Variants in NFASC observed in about 807,000 individuals in gnomAD.
The protein encoded by NFASC is neurofascin.
In NFASC, 43 loss-of-function variants were observed where a neutral mutation model predicts 147.5. The observed-to-expected ratio is 0.29, with a 90% CI of 0.23 to 0.38. The LOEUF (loss-of-function observed/expected upper bound fraction) is 0.38. Among genes scored for constraint, NFASC ranks in the 10% least tolerant of loss-of-function variants. The probability of loss-of-function intolerance (pLI) is 1.00; values close to 1 mark genes in which losing one functional copy is unlikely to be tolerated. For missense variants in NFASC, 1,320 were observed against 1,689.0 expected (o/e 0.78, Z 3.83); for synonymous variants, 622 against 665.5 (o/e 0.93, Z 1.01).
intron 8 of NFASC, chr1:204,962,148 C>T (rs774617161): frequency 6.2e-7 from 1 of 1,613,360 alleles, no homozygotes; most frequent in Non-Finnish European, 8.5e-7. Context: ...ACCACCCTGA[C>T]ATGTACAGTG....
At chr1:204,840,110 T>TA (rs2102480787) in intron 1 of NFASC, among the ~76,000 whole-genome samples, 1 of 152,290 alleles carries the variant, frequency 6.6e-6, no homozygotes, top group South Asian at 2.1e-4. Context: ...GGGATCTTGT[T>TA]AAAATGCAGG....
chr1:204,970,551 G>T, intron 10 of NFASC, 65 bp from the exon 11 acceptor site: 1 of 1,595,522 alleles, frequency 6.3e-7, no homozygotes, highest in Non-Finnish European at 8.6e-7. Context: ...GAGGGAGACT[G>T]CTTGGTTTCT....
At chr1:205,001,320 A>G (rs184644437) in intron 26 of NFASC, 34 bp downstream of exon 26, 42 of 1,427,556 alleles carry the variant, frequency 2.9e-5, no homozygotes, top group Non-Finnish European at 3.7e-5. Context: ...TGGTGGCGGC[A>G]GCGGCGTCGG....
At chr1:204,942,597 T>A (rs1241690924) in intron 2 of NFASC, among the ~76,000 whole-genome samples, 3 of 152,086 alleles carry the variant, frequency 2.0e-5, no homozygotes, top group African/African-American at 7.2e-5. Flanking sequence ...CTGCATCCCA[T>A]AAATGCGTAC....
intron 29 of NFASC, among the ~76,000 whole-genome samples, chr1:205,014,760 T>A (rs953642643): frequency 6.6e-6 from 1 of 152,222 alleles, no homozygotes; most frequent in East Asian, 1.9e-4. Flanking sequence ...GCACTTAGCT[T>A]AGCTGCCTGG....
At chr1:204,953,166 A>G (rs534337672) in intron 5 of NFASC, among the ~76,000 whole-genome samples, 1 of 152,374 alleles carries the variant, frequency 6.6e-6, no homozygotes, top group East Asian at 1.9e-4. Context: ...GATTGTGGGC[A>G]TCTGAGGATG....
rs72753452 is a variant in NFASC at position 204,993,099 on chromosome 1, G to C, written c.2782+1793G>C. 5.5e-3 allele frequency among the ~76,000 whole-genome samples: 836 copies of C among 152,264 alleles called. 12 individuals are homozygous for C. The highest frequency in any genetic ancestry group is 0.011 in the South Asian group (54 of 4,822). On this transcript the variant is annotated intron_variant, in intron 24 of 29. Transcript: ENST00000339876. ...AGCAGGTGCCAAGCAACGAAACTCG[G>C]GTTCCATGTTTCTGACGTGGGCCTG...
rs777663775 is a variant in NFASC, at chr1:204,857,916, C to CTTTTTTTTTTTTTT, written c.-200+29136_-200+29137insTTTTTTTTTTTTTT. ...TCTGTGTCCTAGTCTCCTTCTTCTT[C>CTTTTTTTTTTTTTT]TTCTTTTTTTTTTTTTTTTTGAGAT... On this transcript the variant is annotated intron_variant, in intron 1 of 29. Transcript: ENST00000339876. Among the ~76,000 whole-genome samples the CTTTTTTTTTTTTTT allele has an allele frequency of 9.7e-5, 13 of 133,692 alleles. 1 individual carries two copies. The highest frequency in any genetic ancestry group is 2.7e-4 in the East Asian group (1 of 3,710). 87.7% of individuals were successfully genotyped at this position (133,692 alleles called of 152,430 possible). A position where few individuals can be genotyped will look rare whatever the true frequency, so the allele number is the denominator to read the frequency against.
intron 3 of NFASC, 33 bp downstream of exon 3, chr1:204,944,439 T>TC (rs1294331195): frequency 9.2e-6 from 6 of 655,478 alleles, no homozygotes; most frequent in African/African-American, 1.9e-5. Context: ...CTCTTTTTTT[T>TC]CCTGATTTTG....
At chr1:204,899,370 G>A (rs942356118) in intron 1 of NFASC, among the ~76,000 whole-genome samples, 1 of 152,088 alleles carries the variant, frequency 6.6e-6, no homozygotes, top group African/African-American at 2.4e-5. Flanking sequence ...CATAGCCCTG[G>A]CAAGAGAGGA....
intron 21 of NFASC, chr1:204,983,907 C>G: frequency 1.5e-6 from 1 of 671,102 alleles, no homozygotes; most frequent in Non-Finnish European, 2.7e-6. Context: ...AGATATGGCC[C>G]CTGCCCTCAT....
In NFASC at chr1:204,980,258, C is replaced by T. The variant is rs186136421; in HGVS notation, c.2177-112C>T. The T allele has an allele frequency of 3.3e-5, 26 of 794,112 alleles. 1 individual carries two copies. Among genetic ancestry groups the T allele is most frequent in the South Asian group, 2.2e-4 (15 of 67,980 alleles). The allele number at this position is 794,112 out of a possible 1,614,324, so 49.2% of individuals were successfully genotyped here. On this transcript the variant is annotated intron_variant, in intron 19 of 29. Transcript: ENST00000339876. ...CCAGACCAAGCGTATACATAGATGC[C>T]GAGGAAAGACAGAGCATAGAACAGA...
At chr1:204,830,186 A>G (rs558537625) in intron 1 of NFASC, among the ~76,000 whole-genome samples, 1 of 152,284 alleles carries the variant, frequency 6.6e-6, no homozygotes, top group East Asian at 1.9e-4. Flanking sequence ...GCCTCAGTCA[A>G]ATCTCCAGCA....
chr1:204,974,202 C>T lies in NFASC; in HGVS notation c.1303C>T (p.Pro435Ser), dbSNP rs753460094. 6.2e-7 allele frequency: 1 copy of T among 1,613,990 alleles called. No homozygotes were observed. The highest frequency in any genetic ancestry group is 1.1e-5 in the South Asian group (1 of 91,022). Residue 435 changes from proline to serine, a missense_variant, in exon 13 of 30, where the codon CCC (proline) becomes TCC (serine). This residue lies in a region of NFASC where 981 missense variants were observed against 1,289.5 expected (regional missense o/e 0.76). Transcript: ENST00000339876. ...VLDVPPRMLSPRNQLIRVILY... is the reference protein window; with the variant it reads ...VLDVPPRMLSSRNQLIRVILY... ...AGATGTGCCGCCTCGGATGCTGTCG[C>T]CCCGGAACCAGCTCATTCGAGTGAT...
At chr1:204,947,664 A>G (rs999340500) in intron 3 of NFASC, among the ~76,000 whole-genome samples, 1 of 146,676 alleles carries the variant, frequency 6.8e-6, no homozygotes, top group African/African-American at 2.5e-5. Context: ...GGAGAACAGT[A>G]TGACCTTTGA....
chr1:204,969,079 A>G, intron 10 of NFASC, 97 bp downstream of exon 10: 1 of 1,088,476 alleles, frequency 9.2e-7, no homozygotes, highest in South Asian at 1.5e-5. Flanking sequence ...AGTGAGTCGG[A>G]GAGACTTCCA....
Position 204,939,038 on chromosome 1 carries a change from ATGTGTGTGTGTG to A in NFASC, c.-90-5150_-90-5139del, listed in dbSNP as rs60166382. ...TTCTCTTTTCTTCCTGTATGGATGG[ATGTGTGTGTGTG>A]TGTGTGTGTGTGTGTGTGTGTGTGT... On this transcript the variant is annotated intron_variant, in intron 2 of 29. Coordinates refer to ENST00000339876, the MANE Select transcript of NFASC (RefSeq NM_001005388.3). 1.2e-3 allele frequency among the ~76,000 whole-genome samples: 154 copies of A among 123,748 alleles called. 1 individual carries two copies. The highest frequency in any genetic ancestry group is 0.011 in the South Asian group (37 of 3,388). The allele number at this position is 123,748 out of a possible 152,430, so 81.2% of individuals were successfully genotyped here.
At position 204,954,216 on chromosome 1, in the gene NFASC, T is replaced by G. The variant is rs781090491; in HGVS notation, c.244T>G (p.Phe82Val). 2 of 1,614,186 alleles carry G rather than the reference T, an allele frequency of 1.2e-6. No individual in the cohort carries two copies. The highest frequency in any genetic ancestry group is 1.7e-5 in the Admixed American group (1 of 60,024). ...SFHWTRNSRF[F>V]NIAKDPRVSM... ...CCACTGGACACGAAACAGCAGATTCTTCAACATCGCCAAGGACCCCCGGGT... is the reference window on the plus strand; with the variant it reads ...CCACTGGACACGAAACAGCAGATTCGTCAACATCGCCAAGGACCCCCGGGT... Residue 82 changes from phenylalanine (F) to valine (V), a missense_variant, in exon 6 of 30, where the codon TTC (phenylalanine) becomes GTC (valine). Physicochemically the swap from Phe to Val is conservative, Grantham distance 50. Around this residue, in one of 3 missense-constraint regions of NFASC, gnomAD observed 981 missense variants for 1,289.5 expected, o/e 0.76. Transcript: ENST00000339876. This position sits in a 1 kb window ranked among gnomAD's most constrained non-coding sequence, Gnocchi z 5.7.
At chr1:204,969,104 G>GGGCT in intron 10 of NFASC, 122 bp downstream of exon 10, 2 of 845,970 alleles carry the variant, frequency 2.4e-6, no homozygotes, top group Non-Finnish European at 3.7e-6. Flanking sequence ...ACTGCTCAGT[G>GGGCT]GCAATGGCGA....
Sources: gnomAD v4.1 joint callset for allele counts (sites outside exome capture counted in the v4.1 genomes callset) on GRCh38, gnomAD v4.1.1 for gene constraint, gnomAD v4.1.1 regional missense constraint, Gnocchi (gnomAD v3.1) non-coding constraint, MANE v1.5 for transcripts, NCBI Gene and HGNC (gene_info 2026-07-23, HGNC 2026-07-21) for gene names.